Variants in SLC7A6 observed in about 807,000 individuals in gnomAD.
SLC7A6 encodes the protein Y+L amino acid transporter 2.
In SLC7A6, 29 loss-of-function variants were observed where a neutral mutation model predicts 46.6. The ratio of observed to expected loss-of-function variants is 0.62; its 90% CI spans 0.46 to 0.85. The LOEUF is 0.85. SLC7A6 is among the 40% of genes least tolerant of loss of function. The pLI is 0.00. For synonymous variants in SLC7A6, 276 were observed against 257.3 expected (o/e 1.07, Z -0.70); for missense variants, 527 against 647.6 (o/e 0.81, Z 2.02).
chr16:68,291,285 A>C lies in SLC7A6; in HGVS notation c.871A>C (p.Thr291Pro), dbSNP rs779484901. 6.2e-7 allele frequency: 1 copy of C among 1,614,186 alleles called. No individual in the cohort carries two copies. Among genetic ancestry groups the C allele is most frequent in the South Asian group, 1.1e-5 (1 of 91,080 alleles). The stretch of plus-strand genomic sequence containing the variant: ...CATCCTGACCAATGTGGCCTATTAC[A>C]CAGTGCTGAACATTTCAGATGTCCT... ...IYILTNVAYY[T>P]VLNISDVLSS... Residue 291 changes from threonine to proline, a missense_variant, in exon 6 of 11, where the codon ACA (threonine) becomes CCA (proline). Physicochemically the swap from Thr to Pro is conservative, Grantham distance 38. Transcript: ENST00000219343.
intron 3 of SLC7A6, chr16:68,284,279 G>A (rs1387389860): frequency 6.6e-6 from 1 of 152,122 alleles, no homozygotes; most frequent in Non-Finnish European, 1.5e-5. Context: ...TCTTCTTTGC[G>A]TCGTTCCAAT....
intron 3 of SLC7A6, chr16:68,284,619 AAGG>A (rs2042890594): frequency 1.0e-6 from 1 of 984,120 alleles, no homozygotes; most frequent in South Asian, 4.7e-5. Context: ...GGATAGAAGG[AAGG>A]AGAAGGATCA....
In SLC7A6 at chr16:68,301,621, C is replaced by T. The variant is rs538200882; in HGVS notation, c.*4293C>T. The T allele has an allele frequency of 2.6e-6, 1 of 389,904 alleles. No homozygotes were observed. The highest frequency in any genetic ancestry group is 2.1e-5 in the African/African-American group (1 of 48,128). 24.2% of individuals were successfully genotyped at this position (389,904 alleles called of 1,614,324 possible). A position where few individuals can be genotyped will look rare whatever the true frequency, so the allele number is the denominator to read the frequency against. The stretch of plus-strand genomic sequence containing the variant: ...TCCTTCACACTGGAGTATTTTGTCA[C>T]TTCTCCCCTCCGTGGAGTATTTTGT... On this transcript the variant is annotated 3_prime_UTR_variant, in exon 11 of 11. Coordinates refer to ENST00000219343, the MANE Select transcript of SLC7A6 (RefSeq NM_003983.6).
chr16:68,294,657 G>C (rs1336383753), intron 7 of SLC7A6, 48 bp from the exon 8 acceptor site: 2 of 1,328,600 alleles, frequency 1.5e-6, no homozygotes, highest in Non-Finnish European at 2.2e-6. Context: ...GAGTATGGCT[G>C]AGTAAAAGGA....
At chr16:68,287,299 A>C in intron 3 of SLC7A6, 1 of 1,287,096 alleles carries the variant, frequency 7.8e-7, no homozygotes, top group South Asian at 1.2e-5. Context: ...CTTAATGCAA[A>C]ACACTGTCTC....
At position 68,274,681 on chromosome 16, in the gene SLC7A6, T is replaced by C; in HGVS notation, c.-36-10T>C. The C allele has an allele frequency of 6.2e-7, 1 of 1,607,004 alleles. No individual in the cohort carries two copies. Among genetic ancestry groups the C allele is most frequent in the Non-Finnish European group, 8.5e-7 (1 of 1,175,206 alleles). On this transcript the variant is annotated splice_polypyrimidine_tract_variant and intron_variant, in intron 2 of 10. Coordinates refer to ENST00000219343, the MANE Select transcript of SLC7A6 (RefSeq NM_003983.6). ...CTGCCCTAGACTGACATACTTGTAT[T>C]CTTTGCCAGGCCACAGCAAACACAG...
chr16:68,273,322 T>G (rs1012637965), intron 2 of SLC7A6, among the ~76,000 whole-genome samples: 3 of 152,218 alleles, frequency 2.0e-5, no homozygotes, highest in Non-Finnish European at 4.4e-5. Context: ...TGCTTGCCGA[T>G]CCTGTTCCTA....
Position 68,264,738 on chromosome 16 carries a change from G to C in SLC7A6, c.-166+162G>C, listed in dbSNP as rs906886963. On this transcript the variant is annotated intron_variant, in intron 1 of 10. Transcript: ENST00000219343. The surrounding 1 kb of genome is among the most constrained non-coding windows in gnomAD (Gnocchi z 5.8). ...CGATCGGGGCCGCGCGAGAGGCGCT[G>C]CGGGTGAGGGGGGGCGCCACGAGGA... 1 of 152,458 alleles carries C rather than the reference G, an allele frequency of 6.6e-6. No homozygotes were observed. The highest frequency in any genetic ancestry group is 1.5e-5 in the Non-Finnish European group (1 of 68,228). 9.4% of individuals were successfully genotyped at this position (152,458 alleles called of 1,614,324 possible).
At chr16:68,267,206 A>ATTTTTTT (rs1189220005) in intron 2 of SLC7A6, among the ~76,000 whole-genome samples, 4 of 87,668 alleles carry the variant, frequency 4.6e-5, no homozygotes, top group Non-Finnish European at 6.6e-5. Context: ...ATTGTGGTGG[A>ATTTTTTT]TTTTTTTTTT....
Position 68,291,568 on chromosome 16 carries a change from A to G in SLC7A6, c.929A>G (p.Asp310Gly), listed in dbSNP as rs770955907. ...GTGCCCTGCCCCCAGACATTTGCTG[A>G]CCAGACGTTTGGCATGTTCAGCTGG... ...SSDAVAVTFADQTFGMFSWTI... is the reference protein window; with the variant it reads ...SSDAVAVTFAGQTFGMFSWTI... Residue 310 changes from aspartate (D) to glycine (G), a missense_variant, in exon 7 of 11, where the codon GAC becomes GGC. Physicochemically the swap from Asp to Gly is moderately conservative, Grantham distance 94. Transcript: ENST00000219343. The G allele has an allele frequency of 6.2e-6, 10 of 1,613,978 alleles. No homozygotes were observed. The highest frequency in any genetic ancestry group is 6.8e-6 in the Non-Finnish European group (8 of 1,180,020).
At chr16:68,278,291 G>A (rs1226497486) in intron 3 of SLC7A6, among the ~76,000 whole-genome samples, 1 of 149,616 alleles carries the variant, frequency 6.7e-6, no homozygotes, top group Non-Finnish European at 1.5e-5. Flanking sequence ...CTTGTAGGTT[G>A]TATACTGCTT....
chr16:68,285,745 C>G (rs1036867791), intron 3 of SLC7A6, among the ~76,000 whole-genome samples: 1 of 152,074 alleles, frequency 6.6e-6, no homozygotes, highest in African/African-American at 2.4e-5. Context: ...AAAATCTTAC[C>G]ACCTTGGTTC....
Position 68,296,495 on chromosome 16 carries a change from G to A in SLC7A6, c.1251G>A (p.Lys417=), listed in dbSNP as rs1469084074. Residue 417 remains lysine, a synonymous_variant, in exon 9 of 11, where the codon AAG becomes AAA. Transcript: ENST00000219343. ...TCTACCTCCGCTGGAAGGAGCCCAA[G>A]CGGCCCCGGCCTCTCAAGGTCAGCA... The part of the protein sequence containing the change: ...GQLYLRWKEP[K]RPRPLKLSVF... 1 of 1,614,184 alleles carries A rather than the reference G, an allele frequency of 6.2e-7. No homozygotes were observed. The highest frequency in any genetic ancestry group is 1.7e-5 in the Admixed American group (1 of 60,028).
chr16:68,277,648 A>G (rs540291609), intron 3 of SLC7A6, among the ~76,000 whole-genome samples: 2 of 150,128 alleles, frequency 1.3e-5, no homozygotes, highest in East Asian at 2.0e-4. Context: ...TTTTTTTGAG[A>G]TGGAGTTTCG....
At chr16:68,295,953 C>T (rs1376015326) in intron 8 of SLC7A6, among the ~76,000 whole-genome samples, 2 of 152,140 alleles carry the variant, frequency 1.3e-5, no homozygotes, top group Non-Finnish European at 2.9e-5. Context: ...TAGCATTTCT[C>T]AGGCCTGAGG....
chr16:68,266,182 C>T (rs1490991208), intron 1 of SLC7A6, among the ~76,000 whole-genome samples: 3 of 152,112 alleles, frequency 2.0e-5, no homozygotes, highest in Non-Finnish European at 4.4e-5. Context: ...ATGGCTTGAA[C>T]CCGGGAGGCG....
At chr16:68,274,546 A>G (rs1354192390) in intron 2 of SLC7A6, 145 bp from the exon 3 acceptor site, 2 of 650,606 alleles carry the variant, frequency 3.1e-6, no homozygotes, top group South Asian at 1.9e-5. Flanking sequence ...CCTGTGTTCT[A>G]TGGTGGGAAC....
At chr16:68,275,524 G>T (rs1025150074) in intron 3 of SLC7A6, among the ~76,000 whole-genome samples, 1 of 151,210 alleles carries the variant, frequency 6.6e-6, no homozygotes, top group Admixed American at 6.6e-5. Context: ...GAACCCAGGA[G>T]GCGGAGGTTG....
intron 3 of SLC7A6, among the ~76,000 whole-genome samples, chr16:68,283,008 G>A (rs981262430): frequency 6.6e-6 from 1 of 152,166 alleles, no homozygotes; most frequent in South Asian, 2.1e-4. Context: ...TGTCTGGGAG[G>A]AATTGGAAGG....
Sources: gnomAD v4.1 joint callset for allele counts (sites outside exome capture counted in the v4.1 genomes callset) on GRCh38, gnomAD v4.1.1 for gene constraint, Gnocchi (gnomAD v3.1) non-coding constraint, MANE v1.5 for transcripts, NCBI Gene and HGNC (gene_info 2026-07-23, HGNC 2026-07-21) for gene names.